Variants in OPCML observed in about 807,000 individuals in gnomAD.
OPCML encodes opioid-binding protein/cell adhesion molecule.
Under a neutral mutation model 37.8 loss-of-function variants are expected in OPCML, and 13 were observed. The observed-to-expected ratio is 0.34, with a 90% CI of 0.22 to 0.55. The LOEUF (loss-of-function observed/expected upper bound fraction) is 0.55, where lower values mean the gene tolerates loss of function less well. OPCML is among the 20% of genes least tolerant of loss of function. The pLI, the probability that OPCML is intolerant of heterozygous loss-of-function variation, is 0.91. For missense variants in OPCML, 341 were observed against 435.6 expected (o/e 0.78, Z 1.93); for synonymous variants, 176 against 168.8 (o/e 1.04, Z -0.33).
intron 1 of OPCML, among the ~76,000 whole-genome samples, chr11:133,491,423 A>G (rs1339654988): frequency 6.6e-6 from 1 of 152,164 alleles, no homozygotes; most frequent in Non-Finnish European, 1.5e-5. Flanking sequence ...GGTCCTCTTG[A>G]GAGGAGAAGA....
intron 1 of OPCML, among the ~76,000 whole-genome samples, chr11:133,470,841 T>C (rs918865965): frequency 6.6e-6 from 1 of 152,230 alleles, no homozygotes; most frequent in African/African-American, 2.4e-5. Flanking sequence ...TTTCCAGAGA[T>C]GCTTAAGAAG....
intron 1 of OPCML, among the ~76,000 whole-genome samples, chr11:132,959,808 T>C (rs945088283): frequency 6.6e-6 from 1 of 152,192 alleles, no homozygotes; most frequent in South Asian, 2.1e-4. Flanking sequence ...CCTGCTAACA[T>C]AGCAGCCTGA....
intron 2 of OPCML, among the ~76,000 whole-genome samples, chr11:132,819,813 T>G (rs889756969): frequency 3.9e-5 from 6 of 152,196 alleles, no homozygotes; most frequent in Non-Finnish European, 5.9e-5. Context: ...TATACTTTTC[T>G]CCAGATAACC....
At position 133,181,968 on chromosome 11, in the gene OPCML, C is replaced by G. The variant is rs75988880; in HGVS notation, c.62-238958G>C. The stretch of plus-strand genomic sequence containing the variant: ...CCAATCTGCCTTCAACAAGGCCAAG[C>G]AGGGCCCAGAAAAGAGACACATTTT... On this transcript the variant is annotated intron_variant, in intron 1 of 7. Transcript: ENST00000524381. Among the ~76,000 whole-genome samples, 1,314 of 152,272 alleles carry G rather than the reference C, an allele frequency of 8.6e-3. 21 individuals are homozygous for G. The highest frequency in any genetic ancestry group is 0.03 in the African/African-American group (1,235 of 41,564).
chr11:132,498,307 G>A (rs774695625), intron 4 of OPCML, among the ~76,000 whole-genome samples: 1 of 152,170 alleles, frequency 6.6e-6, no homozygotes, highest in East Asian at 1.9e-4. Context: ...AAGAACAAAG[G>A]CCATTGGTCA....
In OPCML at chr11:133,174,193, T is replaced by TA. The variant is rs1950332172; in HGVS notation, c.62-231184_62-231183insT. 6.6e-6 allele frequency among the ~76,000 whole-genome samples: 1 copy of TA among 152,056 alleles called. No homozygotes were observed. The highest frequency in any genetic ancestry group is 2.1e-4 in the South Asian group (1 of 4,812). ...TCTTTGGCACAAAGAAATGCTTCCC[T>TA]CCCCTACCACGACAGGAAGAAGGAA... On this transcript the variant is annotated intron_variant, in intron 1 of 7. Transcript: ENST00000524381. This position sits in a 1 kb window ranked among gnomAD's most constrained non-coding sequence, Gnocchi z 4.6.
intron 1 of OPCML, among the ~76,000 whole-genome samples, chr11:133,503,794 T>C (rs1257888259): frequency 2.0e-5 from 3 of 152,118 alleles, no homozygotes; most frequent in Non-Finnish European, 4.4e-5. Flanking sequence ...CTTCAAAGCC[T>C]GGGCACTGAA....
chr11:133,518,457 GTGTGTATAAGTGTGTGCATGGATGTT>G (rs915683590), intron 1 of OPCML, among the ~76,000 whole-genome samples: 4 of 151,904 alleles, frequency 2.6e-5, no homozygotes, highest in African/African-American at 9.7e-5. Context: ...ATGGGTATTT[GTGTGTATAAGTGTGTGCATGGATGTT>G]TGTGTATAAG....
intron 3 of OPCML, among the ~76,000 whole-genome samples, chr11:132,549,598 A>G: frequency 6.6e-6 from 1 of 152,218 alleles, no homozygotes; most frequent in Non-Finnish European, 1.5e-5. Context: ...AGCAGCCCCA[A>G]ATCATTTTCT....
At chr11:132,587,962 G>A (rs997560047) in intron 3 of OPCML, among the ~76,000 whole-genome samples, 2 of 152,186 alleles carry the variant, frequency 1.3e-5, no homozygotes, top group Non-Finnish European at 2.9e-5. Context: ...TTCAGGATAT[G>A]AGGGTAGAAG....
intron 1 of OPCML, among the ~76,000 whole-genome samples, chr11:133,207,941 T>C (rs528827760): frequency 1.3e-5 from 2 of 152,208 alleles, no homozygotes; most frequent in Non-Finnish European, 2.9e-5. Context: ...TCATTCATGC[T>C]GTGTTTTTGC....
At chr11:133,073,719 C>T (rs1948580374) in intron 1 of OPCML, among the ~76,000 whole-genome samples, 1 of 152,188 alleles carries the variant, frequency 6.6e-6, no homozygotes, top group African/African-American at 2.4e-5. Flanking sequence ...ATCTGCTGGT[C>T]TTGACATCCT....
chr11:132,502,758 T>C (rs1300809542), intron 4 of OPCML, among the ~76,000 whole-genome samples: 1 of 152,184 alleles, frequency 6.6e-6, no homozygotes, highest in Non-Finnish European at 1.5e-5. Flanking sequence ...TAAGTAGCAG[T>C]AAAATGTAAA....
chr11:133,157,560 C>T (rs79510798), intron 1 of OPCML, among the ~76,000 whole-genome samples: 2,486 of 152,294 alleles, frequency 0.016, 31 homozygotes, highest in Non-Finnish European at 0.025. Flanking sequence ...CCCATCCTTC[C>T]GCTTTTTCTC....
At position 132,689,253 on chromosome 11, in the gene OPCML, T is replaced by C. The variant is rs533074605; in HGVS notation, c.147-31934A>G. On this transcript the variant is annotated intron_variant, in intron 2 of 7. Transcript: ENST00000524381. ...TTGTTACATTGGGATTTTCACTGGATTATGTGGTGAGGTTTCCTCACTTGG... is the reference window on the plus strand; with the variant it reads ...TTGTTACATTGGGATTTTCACTGGACTATGTGGTGAGGTTTCCTCACTTGG... 2.0e-5 allele frequency among the ~76,000 whole-genome samples: 3 copies of C among 152,294 alleles called. No individual in the cohort carries two copies. In the East Asian group the frequency reaches 5.8e-4, roughly 29 times the overall value.
At chr11:133,414,472 G>A (rs570977815) in intron 1 of OPCML, among the ~76,000 whole-genome samples, 19 of 152,214 alleles carry the variant, frequency 1.2e-4, no homozygotes, top group African/African-American at 3.6e-4. Flanking sequence ...GTATCAGACC[G>A]AGACCTAGTG....
chr11:133,402,060 T>G (rs1945415653), intron 1 of OPCML, among the ~76,000 whole-genome samples: 1 of 152,208 alleles, frequency 6.6e-6, no homozygotes, highest in African/African-American at 2.4e-5. Context: ...CATTTTGTGC[T>G]GCTGCAACAG....
rs530580719 is a variant in OPCML, at chr11:133,261,730, C to T, written c.61+270534G>A. ...GGAAGAGAGGGTGGAGAAAGAGAGACGGGGAGGAGAGGGGGAGAGAGAAGA... is the reference window on the plus strand; with the variant it reads ...GGAAGAGAGGGTGGAGAAAGAGAGATGGGGAGGAGAGGGGGAGAGAGAAGA... On this transcript the variant is annotated intron_variant, in intron 1 of 7. Coordinates refer to ENST00000524381, the MANE Select transcript of OPCML (RefSeq NM_001012393.5). Among the ~76,000 whole-genome samples, 61 of 152,308 alleles carry T rather than the reference C, an allele frequency of 4.0e-4. No individual in the cohort carries two copies. The South Asian group carries it at 9.1e-3, about 23-fold the overall frequency.
At chr11:133,370,808 A>G (rs1476066816) in intron 1 of OPCML, among the ~76,000 whole-genome samples, 1 of 152,214 alleles carries the variant, frequency 6.6e-6, no homozygotes, top group African/African-American at 2.4e-5. Flanking sequence ...AATAAAAATG[A>G]AAATACACCA....
Sources: gnomAD v4.1 joint callset for allele counts (sites outside exome capture counted in the v4.1 genomes callset) on GRCh38, gnomAD v4.1.1 for gene constraint, Gnocchi (gnomAD v3.1) non-coding constraint, MANE v1.5 for transcripts, NCBI Gene and HGNC (gene_info 2026-07-23, HGNC 2026-07-21) for gene names.